The following TCAF1 variants were observed in gnomAD, a reference collection of about 807,000 sequenced individuals.
TCAF1 encodes TRPM8 channel associated factor 1.
TCAF1 carries 4 observed loss-of-function variants against 27.3 expected under a neutral mutation model. The ratio of observed to expected loss-of-function variants is 0.15; its 90% CI spans 0.07 to 0.34. The LOEUF is 0.34. Ranked by LOEUF, TCAF1 falls within the 10% of genes least tolerant of loss-of-function variation. The probability of loss-of-function intolerance (pLI) is 1.00; values close to 1 mark genes in which losing one functional copy is unlikely to be tolerated. For missense variants in TCAF1, 257 were observed against 425.8 expected (o/e 0.60, Z 3.49); for synonymous variants, 105 against 167.1 (o/e 0.63, Z 2.87).
At chr7:143,890,054 T>A (rs1586794291) in intron 1 of TCAF1, among the ~76,000 whole-genome samples, 2 of 152,054 alleles carry the variant, frequency 1.3e-5, no homozygotes, top group South Asian at 4.1e-4. Context: ...AGTGGCTCGA[T>A]CTCGGCTCAC....
chr7:143,880,217 T>G (rs547498454), intron 1 of TCAF1, among the ~76,000 whole-genome samples: 22 of 152,320 alleles, frequency 1.4e-4, no homozygotes, highest in African/African-American at 4.8e-4. Context: ...AATAAACCTA[T>G]GAGATATTTA....
At chr7:143,878,048 G>T (rs917414716) in intron 1 of TCAF1, among the ~76,000 whole-genome samples, 1 of 152,066 alleles carries the variant, frequency 6.6e-6, no homozygotes, top group African/African-American at 2.4e-5. Flanking sequence ...TGTGAGACGC[G>T]GACAACACAT....
intron 1 of TCAF1, chr7:143,882,193 A>AACAC (rs35872468): frequency 0.011 from 1,587 of 150,360 alleles, 13 homozygotes; most frequent in Middle Eastern, 0.048. Flanking sequence ...CATGCGCGTA[A>AACAC]ACACACACAC....
chr7:143,879,302 T>A (rs1362728615), intron 1 of TCAF1, among the ~76,000 whole-genome samples: 1 of 152,206 alleles, frequency 6.6e-6, no homozygotes, highest in Non-Finnish European at 1.5e-5. Context: ...TATCATGTGT[T>A]GCTCATAATA....
chr7:143,875,659 G>C (rs969751710), intron 2 of TCAF1, among the ~76,000 whole-genome samples: 6 of 152,066 alleles, frequency 3.9e-5, no homozygotes, highest in Admixed American at 3.9e-4. Context: ...CATTCCTGTT[G>C]AAAGCAACCT....
Position 143,851,977 on chromosome 7 carries a change from CT to C in TCAF1, c.*2155del, listed in dbSNP as rs1490166086. 3.3e-5 allele frequency: 5 copies of C among 152,240 alleles called. No individual in the cohort carries two copies. The highest frequency in any genetic ancestry group is 7.3e-5 in the Non-Finnish European group (5 of 68,056). The allele number at this position is 152,240 out of a possible 1,614,324, so 9.4% of individuals were successfully genotyped here. On this transcript the variant is annotated 3_prime_UTR_variant, in exon 9 of 9. Transcript: ENST00000479870. The stretch of plus-strand genomic sequence containing the variant: ...AATAGGCTGATCTGAACATTGAATA[CT>C]AATAAATGATATCCACATTATTTTG...
At chr7:143,881,392 C>T (rs1239716526) in intron 1 of TCAF1, among the ~76,000 whole-genome samples, 1 of 152,144 alleles carries the variant, frequency 6.6e-6, no homozygotes, top group Non-Finnish European at 1.5e-5. Context: ...GGTCTTCTCT[C>T]CTTCATGCTG....
chr7:143,882,955 C>T (rs1487978664), intron 1 of TCAF1: 9 of 858,948 alleles, frequency 1.0e-5, no homozygotes, highest in Non-Finnish European at 1.3e-5. Context: ...CAGGGGGCGG[C>T]GCTTGGCGGG....
intron 1 of TCAF1, chr7:143,885,599 G>A (rs538008422): frequency 1.0e-6 from 1 of 968,488 alleles, no homozygotes; most frequent in African/African-American, 1.8e-5. Flanking sequence ...GATAAATAAT[G>A]ATGATCTCTG....
chr7:143,894,325 A>G (rs1227358564), intron 1 of TCAF1, among the ~76,000 whole-genome samples: 1 of 151,908 alleles, frequency 6.6e-6, no homozygotes, highest in Non-Finnish European at 1.5e-5. Context: ...CTTCTTCCAG[A>G]GACTAGTAAA....
intron 1 of TCAF1, among the ~76,000 whole-genome samples, chr7:143,897,686 T>C (rs1813951463): frequency 6.6e-6 from 1 of 152,114 alleles, no homozygotes; most frequent in Non-Finnish European, 1.5e-5. Context: ...AAAATACAAT[T>C]TACTACAACT....
intron 1 of TCAF1, 121 bp from the exon 2 acceptor site, chr7:143,876,743 T>C (rs1237048730): frequency 2.3e-5 from 16 of 698,410 alleles, no homozygotes; most frequent in South Asian, 5.5e-5. Context: ...AGGCTGACAC[T>C]GGGAAATGAT....
At chr7:143,887,346 G>A (rs1813455854) in intron 1 of TCAF1, among the ~76,000 whole-genome samples, 1 of 152,050 alleles carries the variant, frequency 6.6e-6, no homozygotes, top group South Asian at 2.1e-4. Flanking sequence ...AGCAATAAAA[G>A]TATGATCCTA....
intron 2 of TCAF1, among the ~76,000 whole-genome samples, chr7:143,874,826 TC>T (rs1812600639): frequency 6.6e-6 from 1 of 152,182 alleles, no homozygotes; most frequent in African/African-American, 2.4e-5. Flanking sequence ...TTGGAGATGT[TC>T]CTGTGCCCCT....
chr7:143,875,877 A>C (rs946490096), intron 2 of TCAF1, 112 bp downstream of exon 2: 1 of 944,726 alleles, frequency 1.1e-6, no homozygotes, highest in African/African-American at 1.6e-5. Flanking sequence ...TAGTGATTCC[A>C]TATCTGAGTG....
intron 1 of TCAF1, among the ~76,000 whole-genome samples, chr7:143,887,345 A>T (rs1813455671): frequency 6.6e-6 from 1 of 152,232 alleles, no homozygotes; most frequent in South Asian, 2.1e-4. Flanking sequence ...CAGCAATAAA[A>T]GTATGATCCT....
chr7:143,871,433 AC>A (rs1291676470), intron 2 of TCAF1, among the ~76,000 whole-genome samples: 1 of 56,074 alleles, frequency 1.8e-5, no homozygotes, highest in Non-Finnish European at 3.6e-5. Context: ...ACTAAAACAA[AC>A]GTTTAAAAAG....
Position 143,857,453 on chromosome 7 carries a change from C to T in TCAF1, c.2506-103G>A, listed in dbSNP as rs202100390. On this transcript the variant is annotated intron_variant, in intron 7 of 8. Transcript: ENST00000479870. Reference sequence around the variant, plus strand: ...TTAGTATATGTAACCCCTTACCCATCAGCTTCACGTCTATCACCGACCTGC... The same window carrying T: ...TTAGTATATGTAACCCCTTACCCATTAGCTTCACGTCTATCACCGACCTGC... 1,418 of 1,474,940 alleles carry T rather than the reference C, an allele frequency of 9.6e-4. No homozygotes were observed. In the African/African-American group the frequency reaches 0.018, roughly 19 times the overall value. The allele number at this position is 1,474,940 out of a possible 1,614,324, so 91.4% of individuals were successfully genotyped here.
At chr7:143,875,824 C>T (rs1812662852) in intron 2 of TCAF1, among the ~76,000 whole-genome samples, 165 bp downstream of exon 2, 1 of 152,148 alleles carries the variant, frequency 6.6e-6, no homozygotes, top group Non-Finnish European at 1.5e-5. Context: ...GAGGACCTTG[C>T]CCCTCCTATG....
Sources: allele counts gnomAD v4.1 joint callset (sites outside exome capture counted in the v4.1 genomes callset), GRCh38; gene constraint gnomAD v4.1.1; transcripts MANE v1.5; gene names NCBI Gene and HGNC (gene_info 2026-07-23, HGNC 2026-07-21).